The following MED13L variants were observed in gnomAD, a reference collection of about 807,000 sequenced individuals.
The protein encoded by MED13L is mediator complex subunit 13L.
Under a neutral mutation model 220.9 loss-of-function variants are expected in MED13L, and 7 were observed. The ratio of observed to expected loss-of-function variants is 0.03; its 90% confidence interval spans 0.02 to 0.06. MED13L has a LOEUF of 0.06. Among genes scored for constraint, MED13L ranks in the 10% least tolerant of loss-of-function variants. MED13L has a pLI of 1.00. For missense variants in MED13L, 1,965 were observed against 2,760.5 expected, an observed-to-expected ratio of 0.71 and a Z score of 6.46; for synonymous variants, 1,011 against 1,015.2, an observed-to-expected ratio of 1.00 and a Z score of 0.08.
chr12:116,056,902 A>T (rs1365062020), intron 4 of MED13L, among the ~76,000 whole-genome samples: 1 of 152,214 alleles, frequency 6.6e-6, no homozygotes, highest in Non-Finnish European at 1.5e-5. Context: ...TTTCCTTAAA[A>T]CTTAACAGAC....
Position 116,037,959 on chromosome 12 carries a change from G to A in MED13L, c.480-15358C>T, listed in dbSNP as rs537806831. Among the ~76,000 whole-genome samples the A allele has an allele frequency of 9.9e-5, 15 of 152,200 alleles. No homozygotes were observed. In the South Asian group the frequency reaches 2.3e-3, roughly 23 times the overall value. On this transcript the variant is annotated intron_variant, in intron 4 of 30. Transcript: ENST00000281928. Reference sequence around the variant, plus strand: ...CTTGAAAAACCAGAAGCCAACATACGTAAGATTTGAGGATTATGAAAGTCA... The same window carrying A: ...CTTGAAAAACCAGAAGCCAACATACATAAGATTTGAGGATTATGAAAGTCA...
At chr12:115,963,890 T>C (rs1236332167) in intron 29 of MED13L, among the ~76,000 whole-genome samples, 1 of 152,114 alleles carries the variant, frequency 6.6e-6, no homozygotes, top group Non-Finnish European at 1.5e-5. Context: ...ATTTTCTTTT[T>C]CTGAATTAAA....
intron 4 of MED13L, among the ~76,000 whole-genome samples, chr12:116,093,652 T>C (rs1229715693): frequency 6.6e-6 from 1 of 152,004 alleles, no homozygotes; most frequent in Non-Finnish European, 1.5e-5. Flanking sequence ...TAATAATCAG[T>C]AATGCTAGTA....
chr12:116,198,581 G>C (rs1313616199), intron 2 of MED13L, among the ~76,000 whole-genome samples: 1 of 152,200 alleles, frequency 6.6e-6, no homozygotes, highest in Non-Finnish European at 1.5e-5. Context: ...TGGGGTCAAA[G>C]GAGCACAGTG....
chr12:116,214,826 T>G (rs927348661), intron 2 of MED13L, among the ~76,000 whole-genome samples: 2 of 152,150 alleles, frequency 1.3e-5, no homozygotes. Context: ...TCTGCACTAT[T>G]TTATTGCCAA....
intron 2 of MED13L, among the ~76,000 whole-genome samples, chr12:116,217,906 CATTA>C (rs1317805466): frequency 6.6e-6 from 1 of 152,112 alleles, no homozygotes; most frequent in East Asian, 1.9e-4. Flanking sequence ...ATTCAAAATG[CATTA>C]ATTAAGTTTC....
intron 4 of MED13L, among the ~76,000 whole-genome samples, chr12:116,034,239 T>C (rs997054641): frequency 5.9e-5 from 9 of 152,142 alleles, no homozygotes; most frequent in Non-Finnish European, 8.8e-5. Context: ...ATATTTTACC[T>C]ATCATTTTGG....
intron 13 of MED13L, among the ~76,000 whole-genome samples, chr12:116,004,914 T>A (rs1299626990): frequency 1.3e-5 from 2 of 152,230 alleles, no homozygotes; most frequent in South Asian, 2.1e-4. Context: ...TCACGTCGTA[T>A]CTGAATGTCC....
chr12:116,139,244 T>G (rs1194109540), intron 2 of MED13L, among the ~76,000 whole-genome samples: 2 of 152,224 alleles, frequency 1.3e-5, no homozygotes, highest in African/African-American at 4.8e-5. Flanking sequence ...GTAAACTTTA[T>G]ACAGTGTCCT....
chr12:116,263,052 T>C (rs1229404945), intron 1 of MED13L, among the ~76,000 whole-genome samples: 1 of 152,184 alleles, frequency 6.6e-6, no homozygotes, highest in Non-Finnish European at 1.5e-5. Context: ...AGGAGGCAAA[T>C]ATTTGTGCTC....
chr12:116,002,691 C>T (rs577010105), intron 14 of MED13L, among the ~76,000 whole-genome samples: 2 of 152,268 alleles, frequency 1.3e-5, no homozygotes, highest in South Asian at 2.1e-4. Context: ...ATCACTTGTG[C>T]AGCATTTATT....
chr12:116,272,604 C>T (rs1013199616), intron 1 of MED13L, among the ~76,000 whole-genome samples: 8 of 152,056 alleles, frequency 5.3e-5, no homozygotes, highest in Admixed American at 3.9e-4. Context: ...AAGCACCTGG[C>T]ATAAATTCAA....
At chr12:116,018,354 A>G (rs2137428934) in intron 7 of MED13L, among the ~76,000 whole-genome samples, 1 of 152,326 alleles carries the variant, frequency 6.6e-6, no homozygotes, top group East Asian at 1.9e-4. Flanking sequence ...TTGTGCTAGA[A>G]ACTTTCAAAT....
chr12:115,969,719 T>C (rs1248859128), intron 27 of MED13L, among the ~76,000 whole-genome samples: 10 of 152,100 alleles, frequency 6.6e-5, no homozygotes, highest in African/African-American at 2.4e-4. Flanking sequence ...AGATGGGGTT[T>C]CACCACGTTG....
intron 1 of MED13L, 36 bp downstream of exon 1, chr12:116,277,024 C>A: frequency 7.0e-7 from 1 of 1,427,424 alleles, no homozygotes; most frequent in East Asian, 2.4e-5. Flanking sequence ...CCCCCCTTCC[C>A]CGGCACAGCC....
At chr12:116,201,462 T>C (rs1332424899) in intron 2 of MED13L, among the ~76,000 whole-genome samples, 5 of 151,958 alleles carry the variant, frequency 3.3e-5, no homozygotes, top group African/African-American at 1.2e-4. Context: ...ATGACACATG[T>C]AGATCAACAT....
chr12:116,092,414 G>A (rs1289054526), intron 4 of MED13L, among the ~76,000 whole-genome samples: 3 of 152,198 alleles, frequency 2.0e-5, no homozygotes, highest in African/African-American at 7.2e-5. Context: ...CAAGAACAGG[G>A]CAGGTTTGCC....
intron 3 of MED13L, among the ~76,000 whole-genome samples, chr12:116,097,155 G>GT (rs571971505): frequency 0.031 from 4,552 of 146,402 alleles, 166 homozygotes; most frequent in African/African-American, 0.094. Context: ...CATCTTTCAA[G>GT]TTTTTTTTTT....
intron 9 of MED13L, among the ~76,000 whole-genome samples, chr12:116,011,313 A>G (rs1879383549): frequency 6.6e-6 from 1 of 152,240 alleles, no homozygotes; most frequent in African/African-American, 2.4e-5. Context: ...ACCTGAAGAT[A>G]TATGCATTTG....
Sources: gnomAD v4.1 joint callset for allele counts (sites outside exome capture counted in the v4.1 genomes callset) on GRCh38, gnomAD v4.1.1 for gene constraint, MANE v1.5 for transcripts, NCBI Gene and HGNC (gene_info 2026-07-23, HGNC 2026-07-21) for gene names.